ANKRD27: variants seen among roughly 807,000 people sequenced by gnomAD.
ANKRD27 encodes ankyrin repeat domain-containing protein 27.
Under a neutral mutation model 129.7 loss-of-function variants are expected in ANKRD27, and 112 were observed. The observed-to-expected ratio is 0.86, with a 90% CI of 0.74 to 1.01. The LOEUF is 1.01. Among genes scored for constraint, ANKRD27 ranks in the 50% least tolerant of loss-of-function variants. The pLI is 0.00. For synonymous variants in ANKRD27, 516 were observed against 511.2 expected (o/e 1.01, Z -0.13); for missense variants, 1,258 against 1,300.5 (o/e 0.97, Z 0.50).
Position 32,625,953 on chromosome 19 carries a change from T to C in ANKRD27, c.1550A>G (p.His517Arg), listed in dbSNP as rs1972083886. The C allele has an allele frequency of 1.9e-6, 3 of 1,608,986 alleles. No individual in the cohort carries two copies. The highest frequency in any genetic ancestry group is 1.7e-5 in the Admixed American group (1 of 59,170). ...GYQSVTLLLL[H>R]YKASAEVQDN... is the part of the protein sequence containing the mutation. Reference sequence around the variant, plus strand: ...CTGCACTTCCGCGCTGGCCTTGTAGTGCAGCAGCAGCAGCTGCGGAGATAA... The same window carrying C: ...CTGCACTTCCGCGCTGGCCTTGTAGCGCAGCAGCAGCAGCTGCGGAGATAA... The change falls in exon 17 of 29, where the codon CAC becomes CGC. Residue 517 changes from histidine to arginine, a missense_variant. Physicochemically the swap from His to Arg is conservative, Grantham distance 29. Coordinates refer to ENST00000306065, the MANE Select transcript of ANKRD27 (RefSeq NM_032139.3).
At chr19:32,663,293 T>C (rs1038541387) in intron 1 of ANKRD27, among the ~76,000 whole-genome samples, 1 of 151,990 alleles carries the variant, frequency 6.6e-6, no homozygotes, top group Non-Finnish European at 1.5e-5. Context: ...CTGAGACCAG[T>C]AGAGGAACCA....
At chr19:32,665,274 G>T (rs150964365) in intron 1 of ANKRD27, among the ~76,000 whole-genome samples, 1 of 146,746 alleles carries the variant, frequency 6.8e-6, no homozygotes. Flanking sequence ...TATTGGACCC[G>T]CACTAAATTC....
At chr19:32,606,721 G>C (rs1328222785) in intron 23 of ANKRD27, among the ~76,000 whole-genome samples, 1 of 152,052 alleles carries the variant, frequency 6.6e-6, no homozygotes, top group Non-Finnish European at 1.5e-5. Flanking sequence ...CGAGAGAGAT[G>C]CAAGACCTGA....
chr19:32,618,819 G>A (rs998416006), intron 20 of ANKRD27, among the ~76,000 whole-genome samples: 4 of 152,166 alleles, frequency 2.6e-5, no homozygotes, highest in Admixed American at 6.5e-5. Context: ...GCTGAGGCAG[G>A]AGAATTGCTT....
intron 20 of ANKRD27, among the ~76,000 whole-genome samples, chr19:32,618,896 G>A (rs2145273540): frequency 6.6e-6 from 1 of 152,332 alleles, no homozygotes; most frequent in African/African-American, 2.4e-5. Flanking sequence ...GGGCAACAGA[G>A]CGAGACTCTT....
At chr19:32,669,094 A>G (rs928222555) in intron 1 of ANKRD27, among the ~76,000 whole-genome samples, 2 of 152,192 alleles carry the variant, frequency 1.3e-5, no homozygotes, top group Non-Finnish European at 2.9e-5. Context: ...TTACAGCGTG[A>G]GCAACCATGC....
intron 13 of ANKRD27, among the ~76,000 whole-genome samples, chr19:32,629,349 G>T (rs190811339): frequency 5.3e-5 from 8 of 152,256 alleles, no homozygotes; most frequent in Admixed American, 1.3e-4. Flanking sequence ...GCACAATGGT[G>T]GCCGGCTCAT....
At chr19:32,616,238 C>T (rs1306421177) in intron 21 of ANKRD27, among the ~76,000 whole-genome samples, 1 of 152,048 alleles carries the variant, frequency 6.6e-6, no homozygotes, top group Non-Finnish European at 1.5e-5. Context: ...TAGTGAGCAC[C>T]TCACTCCCTC....
At chr19:32,620,602 T>C (rs1341553221) in intron 18 of ANKRD27, among the ~76,000 whole-genome samples, 1 of 142,468 alleles carries the variant, frequency 7.0e-6, no homozygotes, top group Non-Finnish European at 1.5e-5. Flanking sequence ...AAAAGAAAGA[T>C]GAAAGCAGGG....
intron 2 of ANKRD27, among the ~76,000 whole-genome samples, chr19:32,657,532 C>T (rs1967564586): frequency 7.1e-6 from 1 of 141,674 alleles, no homozygotes. Context: ...GAGGCCGAGG[C>T]AAATCACTTG....
Position 32,646,457 on chromosome 19 carries a change from A to G in ANKRD27, c.370+2T>C, listed in dbSNP as rs1967304638. 1 of 1,599,232 alleles carries G rather than the reference A, an allele frequency of 6.3e-7. No homozygotes were observed. The highest frequency in any genetic ancestry group is 1.8e-5 in the Admixed American group (1 of 55,154). Reference sequence around the variant, plus strand: ...AGAAAAAGGTTTTTTCTCCCAGAATACCTGAACTCTCTCTCTTTTCCAAAG... The same window carrying G: ...AGAAAAAGGTTTTTTCTCCCAGAATGCCTGAACTCTCTCTCTTTTCCAAAG... On this transcript the variant is annotated splice_donor_variant, in intron 4 of 28. Coordinates refer to ENST00000306065, the MANE Select transcript of ANKRD27 (RefSeq NM_032139.3). LOFTEE classifies it high-confidence loss of function.
At position 32,598,312 on chromosome 19, in the gene ANKRD27, C is replaced by T. The variant is rs368439993; in HGVS notation, c.2986G>A (p.Glu996Lys). The change falls in exon 29 of 29, where the codon GAG becomes AAG. Residue 996 changes from glutamate to lysine, a missense_variant. By Grantham distance (56) the Glu-to-Lys change is moderately conservative. Coordinates refer to ENST00000306065, the MANE Select transcript of ANKRD27 (RefSeq NM_032139.3). Reference protein sequence around the residue: ...LPAQSGSHAAEKGNSDWPERP... With the variant: ...LPAQSGSHAAKKGNSDWPERP... ...TCTGGCCAGTCGCTGTTGCCTTTCTCAGCAGCATGAGATCCACTCTGAGCT... is the reference window on the plus strand; with the variant it reads ...TCTGGCCAGTCGCTGTTGCCTTTCTTAGCAGCATGAGATCCACTCTGAGCT... 1.9e-6 allele frequency: 3 copies of T among 1,614,084 alleles called. No individual in the cohort carries two copies. Among genetic ancestry groups the T allele is most frequent in the African/African-American group, 1.3e-5 (1 of 74,924 alleles).
chr19:32,599,717 C>A lies in ANKRD27; in HGVS notation c.2906G>T (p.Gly969Val). The change falls in exon 28 of 29, where the codon GGT becomes GTT. Residue 969 changes from glycine to valine, a missense_variant. Coordinates refer to ENST00000306065, the MANE Select transcript of ANKRD27 (RefSeq NM_032139.3). Reference sequence around the variant, plus strand: ...TTAATAACTTACCTCATGCAAAGAACCTTCGGTTAAATTAGGGACACTTCT... The same window carrying A: ...TTAATAACTTACCTCATGCAAAGAAACTTCGGTTAAATTAGGGACACTTCT... ...RDRSVPNLTE[G>V]SLHEPGRQSV... is the part of the protein sequence containing the mutation. 1 of 1,613,168 alleles carries A rather than the reference C, an allele frequency of 6.2e-7. No individual in the cohort carries two copies. The highest frequency in any genetic ancestry group is 1.3e-5 in the African/African-American group (1 of 75,008).
intron 13 of ANKRD27, among the ~76,000 whole-genome samples, chr19:32,629,687 G>A (rs1966956491): frequency 6.6e-6 from 1 of 151,908 alleles, no homozygotes; most frequent in African/African-American, 2.4e-5. Context: ...GTGACAGAGT[G>A]AGACTCTGTC....
chr19:32,626,942 T>A, intron 15 of ANKRD27, 115 bp from the exon 16 acceptor site: 1 of 608,776 alleles, frequency 1.6e-6, no homozygotes, highest in Non-Finnish European at 2.8e-6. Flanking sequence ...AAACCCACGG[T>A]AGATACTTTT....
intron 13 of ANKRD27, 79 bp downstream of exon 13, chr19:32,631,323 C>T: frequency 6.6e-6 from 9 of 1,366,346 alleles, no homozygotes; most frequent in Non-Finnish European, 9.4e-6. Context: ...CTGGCCAACC[C>T]TGATGGATTT....
In ANKRD27 at chr19:32,626,739, G is replaced by A. The variant is rs778577504; in HGVS notation, c.1509C>T (p.Ala503=). The A allele has an allele frequency of 1.2e-6, 2 of 1,611,788 alleles. No individual in the cohort carries two copies. Among genetic ancestry groups the A allele is most frequent in the Admixed American group, 3.3e-5 (2 of 59,702 alleles). ...DYHGATPLHL[A]CQKGYQSVTL... is the part of the protein sequence containing the mutation. ...TCACGCTCTGGTAGCCCTTCTGACAGGCCAGGTGGAGCGGAGTGGCTCCAT... is the reference window on the plus strand; with the variant it reads ...TCACGCTCTGGTAGCCCTTCTGACAAGCCAGGTGGAGCGGAGTGGCTCCAT... Residue 503 remains alanine (A), a synonymous_variant, in exon 16 of 29, where the codon GCC becomes GCT. Transcript: ENST00000306065.
chr19:32,656,723 T>G (rs1398465918), intron 2 of ANKRD27, among the ~76,000 whole-genome samples: 1 of 151,132 alleles, frequency 6.6e-6, no homozygotes, highest in Non-Finnish European at 1.5e-5. Context: ...GGTTTGAGGC[T>G]GCAGTGAGCC....
chr19:32,652,769 A>T (rs1419968533), intron 2 of ANKRD27, among the ~76,000 whole-genome samples: 1 of 151,996 alleles, frequency 6.6e-6, no homozygotes, highest in Non-Finnish European at 1.5e-5. Context: ...CTCTACAAAA[A>T]ATACAAAAAT....
Sources: gnomAD v4.1 joint callset for allele counts (sites outside exome capture counted in the v4.1 genomes callset) on GRCh38, gnomAD v4.1.1 for gene constraint, MANE v1.5 for transcripts, NCBI Gene and HGNC (gene_info 2026-07-23, HGNC 2026-07-21) for gene names.